E2F7: variants seen among roughly 807,000 people sequenced by gnomAD.
E2F7 encodes the protein transcription factor E2F7.
Under a neutral mutation model 81.1 loss-of-function variants are expected in E2F7, and 35 were observed. That is an observed-to-expected ratio of 0.43 (90% CI 0.33 to 0.57). E2F7 has a LOEUF of 0.57. E2F7 is among the 20% of genes least tolerant of loss of function. The probability of loss-of-function intolerance (pLI) is 0.04; values close to 1 mark genes in which losing one functional copy is unlikely to be tolerated. For synonymous variants in E2F7, 416 were observed against 416.2 expected, an observed-to-expected ratio of 1.00 and a Z score of 0.01; for missense variants, 961 against 1,093.7, an observed-to-expected ratio of 0.88 and a Z score of 1.71.
At position 77,028,037 on chromosome 12, in the gene E2F7, T is replaced by C. The variant is rs775586724; in HGVS notation, c.1986A>G (p.Ala662=). 1.2e-6 allele frequency: 2 copies of C among 1,614,226 alleles called. No individual in the cohort carries two copies. Among genetic ancestry groups the C allele is most frequent in the South Asian group, 2.2e-5 (2 of 91,092 alleles). Residue 662 remains alanine (A), a synonymous_variant, in exon 11 of 13, where the codon GCA becomes GCG. Transcript: ENST00000322886. ...DIHVNGQLPA[A]EEISGKATAN... The stretch of plus-strand genomic sequence containing the variant: ...CTGTTGCCTTTCCTGAAATCTCTTC[T>C]GCAGCAGGGAGTTGGCCATTCACAT...
chr12:77,047,519 A>G (rs1954953234), intron 4 of E2F7, among the ~76,000 whole-genome samples: 1 of 152,228 alleles, frequency 6.6e-6, no homozygotes, highest in Non-Finnish European at 1.5e-5. Flanking sequence ...AAAAGCCTCC[A>G]GGCATCTTGC....
Position 77,030,141 on chromosome 12 carries a change from G to A in E2F7, c.1574C>T (p.Ser525Leu), listed in dbSNP as rs1954794049. 4 of 1,614,214 alleles carry A rather than the reference G, an allele frequency of 2.5e-6. No individual in the cohort carries two copies. The East Asian group carries it at 8.9e-5, about 36-fold the overall frequency. ...QNGLNGQVDV[S>L]LASAASAVES... The stretch of plus-strand genomic sequence containing the variant: ...CACAGCAGAGGCTGCAGAAGCAAGT[G>A]AGACATCCACTTGTCCATTCAGACC... The change falls in exon 10 of 13, where the codon TCA becomes TTA. Residue 525 changes from serine (S) to leucine (L), a missense_variant. By Grantham distance (145) the Ser-to-Leu change is moderately radical (BLOSUM62 -2). This residue lies in a region of E2F7 where 587 missense variants were observed against 620.3 expected (regional missense o/e 0.95). Coordinates refer to ENST00000322886, the MANE Select transcript of E2F7 (RefSeq NM_203394.3).
At chr12:77,055,784 CTA>C in intron 3 of E2F7, 69 bp downstream of exon 3, 2 of 1,509,832 alleles carry the variant, frequency 1.3e-6, no homozygotes, top group Non-Finnish European at 1.8e-6. Flanking sequence ...GTTGACAGTT[CTA>C]TGATTTTTTA....
At chr12:77,051,984 GTTT>G (rs1468828917) in intron 3 of E2F7, among the ~76,000 whole-genome samples, 1 of 152,134 alleles carries the variant, frequency 6.6e-6, no homozygotes, top group Non-Finnish European at 1.5e-5. Flanking sequence ...AAGATAATAT[GTTT>G]TTTAAAGTCT....
intron 10 of E2F7, among the ~76,000 whole-genome samples, chr12:77,028,393 T>C (rs1027211139): frequency 3.3e-5 from 5 of 152,012 alleles, no homozygotes; most frequent in Admixed American, 6.6e-5. Flanking sequence ...GGTTTCACCA[T>C]GTTGGCTAAG....
chr12:77,026,102 C>A, intron 11 of E2F7, 120 bp from the exon 12 acceptor site: 1 of 1,226,476 alleles, frequency 8.2e-7, no homozygotes, highest in Admixed American at 2.8e-5. Context: ...AATGATGAGA[C>A]CTTCCCCCAG....
rs202071819 is a variant in E2F7, at chr12:77,025,762, G to T, written c.2361C>A (p.Gly787=). ...CGAGAAGCTGGGCTATTGATCCAAG[G>T]CCAGGCAAGCTGAAATTCACAGGTC... is the stretch of plus-strand genomic sequence containing the variant. ...NTGPVNFSLP[G]LGSIAQLLVG... Residue 787 remains glycine, a synonymous_variant, in exon 12 of 13, where the codon GGC becomes GGA. Transcript: ENST00000322886. 2 of 1,614,144 alleles carry T rather than the reference G, an allele frequency of 1.2e-6. No homozygotes were observed. The highest frequency in any genetic ancestry group is 2.7e-5 in the African/African-American group (2 of 75,024).
chr12:77,030,255 G>A lies in E2F7; in HGVS notation c.1460C>T (p.Ser487Phe). The change falls in exon 10 of 13, where the codon TCT (serine) becomes TTT (phenylalanine). Residue 487 changes from serine to phenylalanine, a missense_variant. By Grantham distance (155) the Ser-to-Phe change is radical. Coordinates refer to ENST00000322886, the MANE Select transcript of E2F7 (RefSeq NM_203394.3). ...LDPVAPFPVL[S>F]VDPEYCVNPL... ...ATTAACACAATATTCTGGGTCAACA[G>A]AGAGGACAGGGAAAGGAGCAACAGG... The A allele has an allele frequency of 1.2e-6, 2 of 1,611,594 alleles. No individual in the cohort carries two copies. The highest frequency in any genetic ancestry group is 2.2e-5 in the South Asian group (2 of 90,622).
chr12:77,064,710 G>A lies in E2F7; in HGVS notation c.1-75C>T, dbSNP rs908011570. The A allele has an allele frequency of 3.3e-6, 4 of 1,229,622 alleles. No individual in the cohort carries two copies. In the African/African-American group the frequency reaches 6.0e-5, roughly 18 times the overall value. The allele number at this position is 1,229,622 out of a possible 1,614,324, so 76.2% of individuals were successfully genotyped here. A position where few individuals can be genotyped will look rare whatever the true frequency, so the allele number is the denominator to read the frequency against. On this transcript the variant is annotated intron_variant, in intron 1 of 12. Coordinates refer to ENST00000322886, the MANE Select transcript of E2F7 (RefSeq NM_203394.3). ...TCCTCAAACAAAAATATCTACATAT[G>A]TGTTACTTGTTTGTCAATATGAAAT...
At position 77,025,640 on chromosome 12, in the gene E2F7, A is replaced by G. The variant is rs754640676; in HGVS notation, c.2483T>C (p.Met828Thr). The change falls in exon 12 of 13, where the codon ATG becomes ACG. Residue 828 changes from methionine to threonine, a missense_variant. Physicochemically the swap from Met to Thr is moderately conservative, Grantham distance 81 (BLOSUM62 -1). Around this residue, in one of 3 missense-constraint regions of E2F7, gnomAD observed 587 missense variants for 620.3 expected, o/e 0.95. Transcript: ENST00000322886. ...SQPSLNLSPV[M>T]SRSHSVVQQP... ...TTGGACGACACTGTGTGACCTTGAC[A>G]TCACTGGACTTAGGTTTAGTGAGGG... 1.2e-6 allele frequency: 2 copies of G among 1,614,160 alleles called. No homozygotes were observed. Among genetic ancestry groups the G allele is most frequent in the Non-Finnish European group, 8.5e-7 (1 of 1,180,032 alleles).
rs762845043 is a variant in E2F7, at chr12:77,043,073, C to G, written c.1115G>C (p.Ser372Thr). 1 of 1,614,122 alleles carries G rather than the reference C, an allele frequency of 6.2e-7. No individual in the cohort carries two copies. The highest frequency in any genetic ancestry group is 1.3e-5 in the African/African-American group (1 of 75,048). The change falls in exon 7 of 13, where the codon AGC (serine) becomes ACC (threonine). Residue 372 changes from serine (S) to threonine (T), a missense_variant. Transcript: ENST00000322886. ...AAACCACGCCACCTTACCACTTGAG[C>G]TGAAGTCCACAGGCCCGATCCACTT... ...AFKWIGPVDF[S>T]SSDEELVDVS...
chr12:77,026,174 A>G (rs1954758679), intron 11 of E2F7, among the ~76,000 whole-genome samples, 192 bp from the exon 12 acceptor site: 1 of 152,230 alleles, frequency 6.6e-6, no homozygotes, highest in Admixed American at 6.5e-5. Context: ...TTGTAATCCC[A>G]CATTTATCTG....
intron 4 of E2F7, among the ~76,000 whole-genome samples, chr12:77,048,157 C>T (rs1273717128): frequency 6.6e-6 from 1 of 152,192 alleles, no homozygotes; most frequent in Admixed American, 6.5e-5. Flanking sequence ...CCTGTCTGCA[C>T]AATCCCTTAC....
At chr12:77,055,629 T>C (rs1955025518) in intron 3 of E2F7, among the ~76,000 whole-genome samples, 1 of 152,158 alleles carries the variant, frequency 6.6e-6, no homozygotes, top group Non-Finnish European at 1.5e-5. Context: ...TAAAATAATT[T>C]ATCATTTTTA....
intron 7 of E2F7, among the ~76,000 whole-genome samples, chr12:77,036,639 TG>T (rs1165451236): frequency 6.6e-6 from 1 of 152,166 alleles, no homozygotes; most frequent in Non-Finnish European, 1.5e-5. Context: ...TTGTCTAGGC[TG>T]GGCTCGAACT....
intron 7 of E2F7, among the ~76,000 whole-genome samples, chr12:77,034,841 C>T (rs551823160): frequency 1.8e-4 from 27 of 152,272 alleles, no homozygotes; most frequent in African/African-American, 3.4e-4. Context: ...CTAAAACATG[C>T]GCTTTCACAT....
chr12:77,053,655 C>T (rs562657567), intron 3 of E2F7, among the ~76,000 whole-genome samples: 1 of 152,252 alleles, frequency 6.6e-6, no homozygotes, highest in East Asian at 1.9e-4. Context: ...TGTATTAGCC[C>T]TAAACTGCAA....
intron 5 of E2F7, 159 bp downstream of exon 5, chr12:77,045,879 T>A (rs765667793): frequency 8.6e-6 from 8 of 929,738 alleles, no homozygotes; most frequent in Non-Finnish European, 1.3e-5. Context: ...GCAGTCCAGT[T>A]GGGGAGCCAT....
At chr12:77,060,001 A>G (rs1298355139) in intron 2 of E2F7, among the ~76,000 whole-genome samples, 1 of 146,158 alleles carries the variant, frequency 6.8e-6, no homozygotes, top group Non-Finnish European at 1.5e-5. Flanking sequence ...TCCTTGCCCC[A>G]ACTCTGGACT....
Sources: allele counts gnomAD v4.1 joint callset (sites outside exome capture counted in the v4.1 genomes callset), GRCh38; gene constraint gnomAD v4.1.1; regional missense constraint gnomAD v4.1.1; transcripts MANE v1.5; gene names NCBI Gene and HGNC (gene_info 2026-07-23, HGNC 2026-07-21).